Variants in TSTD2 observed in about 807,000 individuals in gnomAD.
TSTD2 encodes thiosulfate sulfurtransferase/rhodanese-like domain-containing protein 2.
In TSTD2, 37 loss-of-function variants were observed where a neutral mutation model predicts 47.9. The observed-to-expected ratio is 0.77, with a 90% CI of 0.59 to 1.02. The LOEUF (loss-of-function observed/expected upper bound fraction) is 1.02. Among genes scored for constraint, TSTD2 ranks in the 50% least tolerant of loss-of-function variants. The probability of loss-of-function intolerance (pLI) is 0.00; values close to 1 mark genes in which losing one functional copy is unlikely to be tolerated. For synonymous variants in TSTD2, 201 were observed against 215.9 expected (o/e 0.93, Z 0.61); for missense variants, 586 against 616.0 (o/e 0.95, Z 0.52).
At position 97,605,469 on chromosome 9, in the gene TSTD2, G is replaced by T. The variant is rs182224100; in HGVS notation, c.1113+14C>A. The T allele has an allele frequency of 5.0e-5, 81 of 1,612,810 alleles. No individual in the cohort carries two copies. Among genetic ancestry groups the T allele is most frequent in the Admixed American group, 2.0e-4 (12 of 60,020 alleles). On this transcript the variant is annotated intron_variant, in intron 8 of 9. Transcript: ENST00000341170. ...TCACTGCCATGCCCACAGTGCCCCG[G>T]GGTGGTGGCTCACCTTGGCTTTGAG...
intron 1 of TSTD2, among the ~76,000 whole-genome samples, chr9:97,628,652 T>C (rs1373107775): frequency 6.6e-6 from 1 of 152,260 alleles, no homozygotes; most frequent in Non-Finnish European, 1.5e-5. Flanking sequence ...GCAGTATTTC[T>C]GGTCCATTTC....
intron 4 of TSTD2, among the ~76,000 whole-genome samples, chr9:97,612,300 T>G (rs1197679609): frequency 6.6e-6 from 1 of 152,244 alleles, no homozygotes; most frequent in Non-Finnish European, 1.5e-5. Context: ...AGTGCTGCAA[T>G]GAACATATGC....
intron 3 of TSTD2, among the ~76,000 whole-genome samples, chr9:97,625,415 T>C (rs1205281065): frequency 6.6e-6 from 1 of 152,168 alleles, no homozygotes. Context: ...TGTGGATATG[T>C]TTTTATTGCT....
intron 3 of TSTD2, among the ~76,000 whole-genome samples, chr9:97,619,913 A>C (rs181164034): frequency 1.6e-3 from 247 of 152,254 alleles, no homozygotes; most frequent in Non-Finnish European, 2.7e-3. Context: ...AAAGTCAGAA[A>C]TTTGTCCTCT....
At chr9:97,614,980 A>G (rs1011849548) in intron 4 of TSTD2, among the ~76,000 whole-genome samples, 2 of 152,198 alleles carry the variant, frequency 1.3e-5, no homozygotes, top group Non-Finnish European at 2.9e-5. Flanking sequence ...TCAGTGTAAG[A>G]GTCAGAAAAC....
chr9:97,629,732 T>C (rs565197139), intron 1 of TSTD2, among the ~76,000 whole-genome samples: 7 of 152,208 alleles, frequency 4.6e-5, no homozygotes, highest in African/African-American at 1.7e-4. Flanking sequence ...ATTGTAAAGG[T>C]AGAGAAAGTA....
chr9:97,625,889 T>A lies in TSTD2; in HGVS notation c.274A>T (p.Ile92Phe). ...CRQLFTDQTS[I>F]HRHVATQHAD... is the part of the protein sequence containing the mutation. ...TGTTGTGTTGCCACATGTCTATGGA[T>A]GCTGGTTTGGTCTGTGAATAGCTGC... is the stretch of plus-strand genomic sequence containing the variant. Residue 92 changes from isoleucine (I) to phenylalanine (F), a missense_variant, in exon 3 of 10, where the codon ATC becomes TTC. By Grantham distance (21) the Ile-to-Phe change is conservative. Coordinates refer to ENST00000341170, the MANE Select transcript of TSTD2 (RefSeq NM_139246.5). The A allele has an allele frequency of 6.2e-7, 1 of 1,614,196 alleles. No individual in the cohort carries two copies. Among genetic ancestry groups the A allele is most frequent in the Non-Finnish European group, 8.5e-7 (1 of 1,179,998 alleles).
chr9:97,627,336 C>G (rs777853842), intron 2 of TSTD2, 62 bp downstream of exon 2: 3 of 1,503,410 alleles, frequency 2.0e-6, no homozygotes, highest in Admixed American at 4.2e-5. Flanking sequence ...TGATAACCGA[C>G]TTCCAAATGT....
chr9:97,617,480 A>G (rs1426526520), intron 4 of TSTD2, among the ~76,000 whole-genome samples: 4 of 152,266 alleles, frequency 2.6e-5, no homozygotes, highest in African/African-American at 7.2e-5. Context: ...CTCTCATGCT[A>G]TAACAAAACT....
chr9:97,611,458 G>A (rs1826457767), intron 5 of TSTD2, 116 bp downstream of exon 5: 2 of 1,227,886 alleles, frequency 1.6e-6, no homozygotes, highest in Admixed American at 2.6e-5. Context: ...AAAAATAAAG[G>A]GGAAAGGGTA....
chr9:97,606,518 T>C (rs1371153128), intron 6 of TSTD2, among the ~76,000 whole-genome samples: 1 of 152,228 alleles, frequency 6.6e-6, no homozygotes, highest in Non-Finnish European at 1.5e-5. Context: ...TAGAAATAAC[T>C]AGTCAAAGAA....
At position 97,601,396 on chromosome 9, in the gene TSTD2, T is replaced by C; in HGVS notation, c.*1073A>G. ...GTATTCCAGGTGCTGATCTAAAAAC[T>C]GTGGCTCAAATGTCACCGAGCTTAT... On this transcript the variant is annotated 3_prime_UTR_variant, in exon 10 of 10. Transcript: ENST00000341170. The C allele has an allele frequency of 9.6e-7, 1 of 1,044,906 alleles. No individual in the cohort carries two copies. Among genetic ancestry groups the C allele is most frequent in the South Asian group, 2.9e-5 (1 of 34,974 alleles). The allele number at this position is 1,044,906 out of a possible 1,614,324, so 64.7% of individuals were successfully genotyped here.
intron 9 of TSTD2, chr9:97,603,064 C>T: frequency 3.3e-6 from 1 of 305,294 alleles, no homozygotes; most frequent in East Asian, 7.2e-5. Context: ...GTTTCTCTCT[C>T]TCACCAGCTA....
At chr9:97,624,774 G>A (rs1826693773) in intron 3 of TSTD2, among the ~76,000 whole-genome samples, 1 of 151,846 alleles carries the variant, frequency 6.6e-6, no homozygotes, top group African/African-American at 2.4e-5. Flanking sequence ...AGAAAGTTTA[G>A]ATGCTTTAAA....
rs777949380 is a variant in TSTD2 at position 97,627,596 on chromosome 9, T to C, written c.-34A>G. On this transcript the variant is annotated 5_prime_UTR_variant, in exon 2 of 10. Transcript: ENST00000341170. ...GTTGCAACAGTGAAGCAGATATTCC[T>C]TTCAGTTAAATACCTCCTAGAATAT... 1 of 1,544,568 alleles carries C rather than the reference T, an allele frequency of 6.5e-7. No homozygotes were observed. The highest frequency in any genetic ancestry group is 1.2e-5 in the South Asian group (1 of 82,304).
chr9:97,620,716 G>A (rs1475731419), intron 3 of TSTD2, among the ~76,000 whole-genome samples: 3 of 152,256 alleles, frequency 2.0e-5, no homozygotes, highest in Non-Finnish European at 4.4e-5. Flanking sequence ...TTAGCAAAGA[G>A]ACTGGTGTGG....
At position 97,625,907 on chromosome 9, in the gene TSTD2, A is replaced by T; in HGVS notation, c.256T>A (p.Phe86Ile). The T allele has an allele frequency of 6.2e-7, 1 of 1,614,152 alleles. No homozygotes were observed. The highest frequency in any genetic ancestry group is 8.5e-7 in the Non-Finnish European group (1 of 1,179,986). The change falls in exon 3 of 10, where the codon TTC (phenylalanine) becomes ATC (isoleucine). Residue 86 changes from phenylalanine to isoleucine, a missense_variant. Phe to Ile is a conservative substitution (Grantham distance 21). Transcript: ENST00000341170. ...EKLWKCCRQL[F>I]TDQTSIHRHV... ...CTATGGATGCTGGTTTGGTCTGTGA[A>T]TAGCTGCCGACAGCATTTCCACAAT...
At chr9:97,630,938 T>C (rs1263650966) in intron 1 of TSTD2, among the ~76,000 whole-genome samples, 1 of 152,240 alleles carries the variant, frequency 6.6e-6, no homozygotes, top group Non-Finnish European at 1.5e-5. Context: ...GTGTGAATTT[T>C]ACACTGTGTG....
At chr9:97,631,553 T>A (rs1826812341) in intron 1 of TSTD2, among the ~76,000 whole-genome samples, 1 of 152,138 alleles carries the variant, frequency 6.6e-6, no homozygotes. Context: ...TTTGGGAGCA[T>A]GAGAAGTAAC....
Sources: gnomAD v4.1 joint callset for allele counts (sites outside exome capture counted in the v4.1 genomes callset) on GRCh38, gnomAD v4.1.1 for gene constraint, MANE v1.5 for transcripts, NCBI Gene and HGNC (gene_info 2026-07-23, HGNC 2026-07-21) for gene names.